Variants in ESR1 observed in about 807,000 individuals in gnomAD.
ESR1 encodes estrogen receptor 1.
ESR1 carries 12 observed loss-of-function variants against 52.7 expected under a neutral mutation model. That is an observed-to-expected ratio of 0.23 (90% confidence interval 0.15 to 0.37). The LOEUF is 0.37. Among genes scored for constraint, ESR1 ranks in the 10% least tolerant of loss-of-function variants. The pLI is 1.00. For missense variants in ESR1, 584 were observed against 779.7 expected (o/e 0.75, Z 2.99); for synonymous variants, 305 against 316.8 (o/e 0.96, Z 0.39).
chr6:151,856,054 A>G lies in ESR1; in HGVS notation c.643+13267A>G, dbSNP rs566637711. On this transcript the variant is annotated intron_variant, in intron 2 of 7. Coordinates refer to ENST00000206249, the MANE Select transcript of ESR1 (RefSeq NM_000125.4). ...ATATTCGAACATATTTCTTATATAT[A>G]TGTTTCACCATCATTAGCAGTAAAT... 2.0e-5 allele frequency among the ~76,000 whole-genome samples: 3 copies of G among 152,350 alleles called. No homozygotes were observed. In the South Asian group the frequency reaches 6.2e-4, roughly 32 times the overall value.
At chr6:152,096,793 G>T (rs1435132900) in intron 7 of ESR1, 2 of 389,964 alleles carry the variant, frequency 5.1e-6, no homozygotes, top group African/African-American at 4.1e-5. Context: ...GGGAAGCCAT[G>T]AGTGGATTAG....
At chr6:152,084,704 GAAA>G (rs34421368) in intron 6 of ESR1, among the ~76,000 whole-genome samples, 1 of 122,754 alleles carries the variant, frequency 8.1e-6, no homozygotes. Context: ...GCTTTTAATT[GAAA>G]AAAAAAAAAA....
chr6:151,869,688 T>A (rs1423318249), intron 2 of ESR1, among the ~76,000 whole-genome samples: 1 of 152,220 alleles, frequency 6.6e-6, no homozygotes, highest in Admixed American at 6.5e-5. Context: ...GAGGCTTTCC[T>A]CTTCACTTTG....
chr6:151,841,848 G>A (rs147984741), intron 1 of ESR1, among the ~76,000 whole-genome samples: 1 of 151,966 alleles, frequency 6.6e-6, no homozygotes, highest in Non-Finnish European at 1.5e-5. Context: ...AAGTAGCTAG[G>A]ACTACAGTCA....
intron 2 of ESR1, among the ~76,000 whole-genome samples, chr6:151,767,328 C>G (rs1329105498): frequency 6.6e-6 from 1 of 152,194 alleles, no homozygotes; most frequent in African/African-American, 2.4e-5. Context: ...ATTTTTCTCT[C>G]ATGCAAATTC....
intron 6 of ESR1, among the ~76,000 whole-genome samples, chr6:152,110,077 T>A (rs554358597): frequency 6.6e-6 from 1 of 152,218 alleles, no homozygotes. Flanking sequence ...ATTTTACAGA[T>A]GAAGAAACTG....
intron 4 of ESR1, among the ~76,000 whole-genome samples, chr6:151,953,821 C>A (rs368412306): frequency 6.6e-6 from 1 of 152,096 alleles, no homozygotes; most frequent in South Asian, 2.1e-4. Context: ...TAACCGATAA[C>A]TTTCTAGAGA....
intron 1 of ESR1, among the ~76,000 whole-genome samples, chr6:151,666,008 A>G (rs950344745): frequency 2.0e-5 from 3 of 152,324 alleles, no homozygotes; most frequent in African/African-American, 7.2e-5. Flanking sequence ...AATTATTGGG[A>G]AAAAATTCCA....
intron 2 of ESR1, among the ~76,000 whole-genome samples, chr6:151,735,208 C>T (rs1011160368): frequency 8.5e-5 from 13 of 152,148 alleles, no homozygotes; most frequent in East Asian, 3.9e-4. Flanking sequence ...TAGCATAATG[C>T]GTTGTTGTGG....
chr6:151,879,977 C>G (rs1258488493), intron 2 of ESR1, among the ~76,000 whole-genome samples: 2 of 152,110 alleles, frequency 1.3e-5, no homozygotes, highest in Non-Finnish European at 2.9e-5. Context: ...AAGCTCTACC[C>G]TCACAACAAT....
intron 1 of ESR1, 23 bp from the exon 2 acceptor site, chr6:151,842,574 A>G (rs1293511491): frequency 6.2e-7 from 1 of 1,607,890 alleles, no homozygotes; most frequent in Non-Finnish European, 8.5e-7. Context: ...ATGTTAATGG[A>G]TTTACTGTTT....
intron 5 of ESR1, among the ~76,000 whole-genome samples, chr6:152,025,277 T>C (rs189035930): frequency 6.6e-6 from 1 of 151,640 alleles, no homozygotes; most frequent in South Asian, 2.1e-4. Flanking sequence ...TTTTTTTTTT[T>C]CCTATGTCCT....
At chr6:152,116,592 ATAAT>A (rs1181232664) in intron 6 of ESR1, among the ~76,000 whole-genome samples, 4 of 152,230 alleles carry the variant, frequency 2.6e-5, no homozygotes, top group Non-Finnish European at 5.9e-5. Context: ...TGTAATCAAA[ATAAT>A]TGACTTTTTT....
In ESR1 at chr6:152,024,720, T is replaced by C. The variant is rs1328463450; in HGVS notation, c.1235+12926T>C. The stretch of plus-strand genomic sequence containing the variant: ...TAATACATAAATATATTTTAATATA[T>C]TATATAATATATACATGTATTGTAT... On this transcript the variant is annotated intron_variant, in intron 5 of 7. Coordinates refer to ENST00000206249, the MANE Select transcript of ESR1 (RefSeq NM_000125.4). Among the ~76,000 whole-genome samples, 11 of 147,906 alleles carry C rather than the reference T, an allele frequency of 7.4e-5. No homozygotes were observed. In the East Asian group the frequency reaches 1.9e-3, roughly 26 times the overall value.
intron 4 of ESR1, among the ~76,000 whole-genome samples, chr6:152,000,073 A>G (rs1304485332): frequency 6.6e-6 from 1 of 152,066 alleles, no homozygotes; most frequent in African/African-American, 2.4e-5. Context: ...AATGATAGGT[A>G]CCATTTATTT....
In ESR1 at chr6:151,775,717, G is replaced by A. The variant is rs1276703054; in HGVS notation, c.-70-32126G>A. 4.7e-5 allele frequency among the ~76,000 whole-genome samples: 7 copies of A among 149,802 alleles called. No homozygotes were observed. In the East Asian group the frequency reaches 1.4e-3, roughly 29 times the overall value. ...GCCGAGATCGCGCCACTGCACTCCA[G>A]CCTGGGTGACAAATCGAGACTCCGT... On this transcript the variant is annotated intron_variant, in intron 2 of 2. Coordinates refer to the ESR1 transcript ENST00000404742.
intron 3 of ESR1, among the ~76,000 whole-genome samples, chr6:151,903,905 T>C (rs976887764): frequency 2.6e-5 from 4 of 152,226 alleles, no homozygotes; most frequent in Non-Finnish European, 5.9e-5. Flanking sequence ...AAATTTTAAT[T>C]TCTAGAGGTA....
At chr6:151,989,593 T>C (rs2040825156) in intron 4 of ESR1, among the ~76,000 whole-genome samples, 1 of 152,086 alleles carries the variant, frequency 6.6e-6, no homozygotes, top group Non-Finnish European at 1.5e-5. Flanking sequence ...TTTTCTGCAG[T>C]TGAAATATAT....
rs183792585 is a variant in ESR1, at chr6:152,032,911, G to A, written c.1235+21117G>A. Among the ~76,000 whole-genome samples the A allele has an allele frequency of 5.9e-4, 90 of 152,106 alleles. 1 individual carries two copies. The East Asian group carries it at 0.016, about 28-fold the overall frequency. ...AACTATACTACAAGGCCACAGTAAC[G>A]AAAACAGCATGGTACTGGTACCAAA... On this transcript the variant is annotated intron_variant, in intron 5 of 7. Transcript: ENST00000206249.
Sources: allele counts gnomAD v4.1 joint callset (sites outside exome capture counted in the v4.1 genomes callset), GRCh38; gene constraint gnomAD v4.1.1; transcripts MANE v1.5; gene names NCBI Gene and HGNC (gene_info 2026-07-23, HGNC 2026-07-21).